Variants in RSRP1 observed in about 807,000 individuals in gnomAD.
RSRP1 encodes the protein arginine/serine-rich protein 1.
Under a neutral mutation model 33.0 loss-of-function variants are expected in RSRP1, and 37 were observed. The observed-to-expected ratio is 1.12, with a 90% CI of 0.86 to 1.48. The LOEUF is 1.48. Among genes scored for constraint, RSRP1 ranks in the 40% most tolerant of loss-of-function variants. RSRP1 has a pLI of 0.00. For synonymous variants in RSRP1, 167 were observed against 158.7 expected (o/e 1.05, Z -0.40); for missense variants, 402 against 385.3 (o/e 1.04, Z -0.36).
chr1:25,321,808 G>C lies in RSRP1; in HGVS notation c.-67+16170C>G, dbSNP rs1229650123. On this transcript the variant is annotated intron_variant, in intron 1 of 1. Transcript: ENST00000561867. ...ATTTCTGTTGAGATACTGTCGTTTT[G>C]ACACACAATATTTCGATTAATCTTG... The C allele has an allele frequency of 9.9e-6, 7 of 707,260 alleles. 2 individuals are homozygous for C. In the African/African-American group the frequency reaches 1.0e-4, roughly 10 times the overall value. 43.8% of individuals were successfully genotyped at this position (707,260 alleles called of 1,614,324 possible). A position where few individuals can be genotyped will look rare whatever the true frequency, so the allele number is the denominator to read the frequency against.
Position 25,302,611 on chromosome 1 carries a change from C to T in RSRP1, c.-67+35367G>A, listed in dbSNP as rs1886920. On this transcript the variant is annotated intron_variant, in intron 1 of 1. Transcript: ENST00000561867. Reference sequence around the variant, plus strand: ...GCAAGGCAAGGCTCCGGTTCTGGAGCAGTGAAGGACATAGCAGAGCTATGA... The same window carrying T: ...GCAAGGCAAGGCTCCGGTTCTGGAGTAGTGAAGGACATAGCAGAGCTATGA... Among the ~76,000 whole-genome samples, 439 of 129,564 alleles carry T rather than the reference C, an allele frequency of 3.4e-3. 128 individuals are homozygous for T. Among genetic ancestry groups the T allele is most frequent in the Middle Eastern group, 8.3e-3 (2 of 242 alleles). The allele number at this position is 129,564 out of a possible 152,430, so 85.0% of individuals were successfully genotyped here. A position where few individuals can be genotyped will look rare whatever the true frequency, so the allele number is the denominator to read the frequency against.
In RSRP1 at chr1:25,295,858, T is replaced by C. The variant is rs2904841; in HGVS notation, c.-67+42120A>G. 2.4e-5 allele frequency among the ~76,000 whole-genome samples: 2 copies of C among 84,138 alleles called. 1 individual carries two copies. The highest frequency in any genetic ancestry group is 5.4e-5 in the Non-Finnish European group (2 of 36,768). The allele number at this position is 84,138 out of a possible 152,430, so 55.2% of individuals were successfully genotyped here. A position where few individuals can be genotyped will look rare whatever the true frequency, so the allele number is the denominator to read the frequency against. ...GGGAGGGAATATGGGAAATTTTTTT[T>C]TTTTTTTTTTTTTTTTTTTTTGAGA... On this transcript the variant is annotated intron_variant, in intron 1 of 1. Coordinates refer to the RSRP1 transcript ENST00000561867.
chr1:25,247,242 T>G, intron 1 of RSRP1, 67 bp downstream of exon 1: 3 of 406,204 alleles, frequency 7.4e-6, no homozygotes, highest in Non-Finnish European at 8.8e-6. Flanking sequence ...CCCGGCACGT[T>G]TCCCGTCCCT....
At chr1:25,271,280 G>C (rs369247109) in intron 1 of RSRP1, among the ~76,000 whole-genome samples, 1 of 130,542 alleles carries the variant, frequency 7.7e-6, no homozygotes, top group Non-Finnish European at 1.8e-5. Context: ...GACAGGATTC[G>C]ACTGGGTGAT....
chr1:25,280,476 T>G (rs1641387954), intron 1 of RSRP1, among the ~76,000 whole-genome samples: 1 of 129,276 alleles, frequency 7.7e-6, no homozygotes, highest in African/African-American at 2.6e-5. Flanking sequence ...AGGCTAATTT[T>G]TGTATTTTTA....
intron 1 of RSRP1, 41 bp from the exon 2 acceptor site, chr1:25,247,070 GC>G: frequency 8.1e-7 from 1 of 1,240,312 alleles, no homozygotes; most frequent in Non-Finnish European, 1.1e-6. Flanking sequence ...AGTCGCGGAA[GC>G]CGGCGCCTGG....
At chr1:25,259,975 A>G (rs1393278752) in intron 1 of RSRP1, among the ~76,000 whole-genome samples, 2 of 151,868 alleles carry the variant, frequency 1.3e-5, no homozygotes, top group Non-Finnish European at 2.9e-5. Flanking sequence ...GGCTGATACG[A>G]CAGCTCTCTG....
intron 1 of RSRP1, among the ~76,000 whole-genome samples, chr1:25,295,628 T>G: frequency 9.6e-6 from 1 of 104,486 alleles, no homozygotes; most frequent in East Asian, 2.3e-4. Flanking sequence ...AGACGAGCGG[T>G]CAAGGAGCCG....
chr1:25,248,495 C>T (rs1639656007), upstream of RSRP1, among the ~76,000 whole-genome samples: 1 of 151,982 alleles, frequency 6.6e-6, no homozygotes, highest in African/African-American at 2.4e-5. Context: ...ACTTTTTTAC[C>T]CACGGGATCT....
rs1639463237 is a variant in RSRP1 at position 25,246,800 on chromosome 1, G to C, written c.164C>G (p.Ser55Cys). Residue 55 changes from serine to cysteine, a missense_variant, in exon 2 of 5, where the codon TCC becomes TGC. By Grantham distance (112) the Ser-to-Cys change is moderately radical. Coordinates refer to ENST00000243189, the MANE Select transcript of RSRP1 (RefSeq NM_020317.5). The stretch of plus-strand genomic sequence containing the variant: ...CCTGGACTTGCTCCTCCGACTCCTG[G>C]ACGAAAACCGGCTCGAGACGCGGGA... ...SHSRVSSRFS[S>C]RSRRSKSRSR... 10 of 1,613,612 alleles carry C rather than the reference G, an allele frequency of 6.2e-6. No individual in the cohort carries two copies. The highest frequency in any genetic ancestry group is 8.5e-6 in the Non-Finnish European group (10 of 1,179,784).
chr1:25,334,221 G>T (rs1645051076), intron 1 of RSRP1, among the ~76,000 whole-genome samples: 1 of 131,284 alleles, frequency 7.6e-6, no homozygotes, highest in African/African-American at 2.6e-5. Flanking sequence ...TTCCAAATGG[G>T]ATAAATTGGT....
chr1:25,321,461 G>C (rs1571756413), intron 1 of RSRP1, among the ~76,000 whole-genome samples: 1 of 111,532 alleles, frequency 9.0e-6, no homozygotes, highest in East Asian at 2.1e-4. Flanking sequence ...GGGAGTTCGA[G>C]ACCAGCCTGG....
At position 25,296,019 on chromosome 1, in the gene RSRP1, C is replaced by A. The variant is rs557669853; in HGVS notation, c.-67+41959G>T. ...CTGAGATTACAGGCACACACCACCA[C>A]GCCTGGCTTACTTTTGTATTTTTAG... On this transcript the variant is annotated intron_variant, in intron 1 of 1. Coordinates refer to the RSRP1 transcript ENST00000561867. 7.5e-3 allele frequency among the ~76,000 whole-genome samples: 886 copies of A among 118,014 alleles called. 211 individuals carry two copies. Among genetic ancestry groups the A allele is most frequent in the Non-Finnish European group, 0.015 (724 of 49,926 alleles). The allele number at this position is 118,014 out of a possible 152,430, so 77.4% of individuals were successfully genotyped here. A position where few individuals can be genotyped will look rare whatever the true frequency, so the allele number is the denominator to read the frequency against.
chr1:25,299,238 C>T (rs1298182108), intron 1 of RSRP1, among the ~76,000 whole-genome samples: 10 of 128,812 alleles, frequency 7.8e-5, no homozygotes, highest in South Asian at 2.4e-4. Flanking sequence ...AAAAATTAGC[C>T]GGGCACGGTG....
intron 1 of RSRP1, among the ~76,000 whole-genome samples, chr1:25,285,775 A>G (rs1392018608): frequency 7.4e-6 from 1 of 135,078 alleles, no homozygotes; most frequent in Non-Finnish European, 1.8e-5. Context: ...TTCCTGAAAC[A>G]TTGTTTTGTT....
intron 2 of RSRP1, among the ~76,000 whole-genome samples, chr1:25,246,227 TC>T (rs1639376578): frequency 6.6e-6 from 1 of 152,178 alleles, no homozygotes; most frequent in Non-Finnish European, 1.5e-5. Flanking sequence ...GAAAAAAAGT[TC>T]CCTACATCCT....
At chr1:25,267,365 C>A (rs2124568292) in intron 1 of RSRP1, among the ~76,000 whole-genome samples, 1 of 112,614 alleles carries the variant, frequency 8.9e-6, no homozygotes, top group East Asian at 2.0e-4. Flanking sequence ...CCCTCCCCAA[C>A]CCAGACAGAA....
At chr1:25,296,732 T>A (rs1283350710) in intron 1 of RSRP1, among the ~76,000 whole-genome samples, 1 of 124,920 alleles carries the variant, frequency 8.0e-6, no homozygotes, top group South Asian at 2.5e-4. Context: ...GTGTGGCACT[T>A]CCTCTCTCTC....
At chr1:25,283,004 T>G (rs182076774) in intron 1 of RSRP1, among the ~76,000 whole-genome samples, 3 of 133,132 alleles carry the variant, frequency 2.3e-5, no homozygotes, top group African/African-American at 7.7e-5. Flanking sequence ...AAAAAATTCT[T>G]CAAGATCTCT....
Sources: allele counts gnomAD v4.1 joint callset (sites outside exome capture counted in the v4.1 genomes callset), GRCh38; gene constraint gnomAD v4.1.1; transcripts MANE v1.5; gene names NCBI Gene and HGNC (gene_info 2026-07-23, HGNC 2026-07-21).